Variants in GPC3 observed in about 807,000 individuals in gnomAD.
The protein encoded by GPC3 is glypican 3.
A neutral mutation model predicts 34.4 loss-of-function variants in GPC3; 3 were observed. The ratio of observed to expected loss-of-function variants is 0.09; its 90% CI spans 0.04 to 0.23. The LOEUF is 0.23. Among genes scored for constraint, GPC3 ranks in the 10% least tolerant of loss-of-function variants. The pLI is 1.00. For missense variants in GPC3, 351 were observed against 445.6 expected (o/e 0.79, Z 1.91); for synonymous variants, 177 against 174.0 (o/e 1.02, Z -0.13).
At chrX:133,716,961 CT>C (rs1245948264) in intron 3 of GPC3, among the ~76,000 whole-genome samples, 2 of 109,380 alleles carry the variant, frequency 1.8e-5, no homozygotes, top group Non-Finnish European at 3.8e-5. Context: ...CTTTTTTTTT[CT>C]TGTTTTTTAA....
intron 2 of GPC3, among the ~76,000 whole-genome samples, chrX:133,914,810 A>C (rs1413801647): frequency 3.7e-5 from 4 of 106,765 alleles, no homozygotes; most frequent in African/African-American, 1.4e-4. Flanking sequence ...CAAAAGATAT[A>C]TATCACTATA....
chrX:133,865,400 T>C (rs2075961964), intron 2 of GPC3, among the ~76,000 whole-genome samples: 1 of 112,233 alleles, frequency 8.9e-6, no homozygotes, highest in African/African-American at 3.2e-5. Context: ...CAAAATATTG[T>C]GATTTCATAT....
chrX:133,796,431 G>A (rs2124515811), intron 2 of GPC3, among the ~76,000 whole-genome samples: 1 of 112,444 alleles, frequency 8.9e-6, no homozygotes, highest in South Asian at 3.7e-4. Context: ...CCTGGCTACA[G>A]TAACACTAAG....
intron 1 of GPC3, among the ~76,000 whole-genome samples, chrX:133,977,419 A>G (rs1371563531): frequency 8.9e-6 from 1 of 112,455 alleles, no homozygotes; most frequent in Non-Finnish European, 1.9e-5. Flanking sequence ...AAATTTCCAT[A>G]CTCAAATATT....
At chrX:133,598,652 T>C (rs2069947851) in intron 6 of GPC3, among the ~76,000 whole-genome samples, 1 of 112,201 alleles carries the variant, frequency 8.9e-6, no homozygotes, top group African/African-American at 3.2e-5. Flanking sequence ...TTTTCTTTGA[T>C]ACTACATTAA....
intron 2 of GPC3, among the ~76,000 whole-genome samples, chrX:133,768,007 TA>T (rs1428171211): frequency 9.0e-5 from 10 of 110,790 alleles, no homozygotes; most frequent in Admixed American, 2.9e-4. Flanking sequence ...CCTGACAAAA[TA>T]AGTCAGCTGG....
intron 3 of GPC3, among the ~76,000 whole-genome samples, chrX:133,751,794 G>T (rs1165631221): frequency 8.9e-6 from 1 of 112,527 alleles, no homozygotes; most frequent in East Asian, 2.8e-4. Flanking sequence ...CTTTGAGGAA[G>T]AAATAAGACT....
At chrX:133,982,108 T>C (rs776178142) in intron 1 of GPC3, among the ~76,000 whole-genome samples, 24 of 112,543 alleles carry the variant, frequency 2.1e-4, no homozygotes, top group Admixed American at 9.4e-4. Flanking sequence ...CTTGAGACAA[T>C]TGGAAACATC....
At chrX:133,942,060 G>A (rs1161627180) in intron 2 of GPC3, among the ~76,000 whole-genome samples, 1 of 111,622 alleles carries the variant, frequency 9.0e-6, no homozygotes, top group African/African-American at 3.3e-5. Flanking sequence ...TTCTTACATT[G>A]CTAATCTCCA....
chrX:133,872,437 G>A (rs2075997831), intron 2 of GPC3, among the ~76,000 whole-genome samples: 1 of 111,569 alleles, frequency 9.0e-6, no homozygotes, highest in Non-Finnish European at 1.9e-5. Context: ...GTAACTTACG[G>A]TCCTGTGGAG....
rs1470963003 is a variant in GPC3, at chrX:133,964,602, G to A, written c.176-11391C>T. Among the ~76,000 whole-genome samples the A allele has an allele frequency of 6.3e-5, 7 of 111,493 alleles. No homozygotes were observed. In the Admixed American group the frequency reaches 6.7e-4, roughly 11 times the overall value. Reference sequence around the variant, plus strand: ...CAGAAACATTTAGGTCAGGTAAAGGGGGAAAGAGTGTATTAGTTTCCTAGG... The same window carrying A: ...CAGAAACATTTAGGTCAGGTAAAGGAGGAAAGAGTGTATTAGTTTCCTAGG... On this transcript the variant is annotated intron_variant, in intron 1 of 7. Coordinates refer to ENST00000370818, the MANE Select transcript of GPC3 (RefSeq NM_004484.4).
At chrX:133,866,272 G>T (rs1396084639) in intron 2 of GPC3, among the ~76,000 whole-genome samples, 1 of 111,783 alleles carries the variant, frequency 8.9e-6, no homozygotes, top group African/African-American at 3.3e-5. Flanking sequence ...TGAGCATTAG[G>T]TTGCTATTTA....
At chrX:133,824,871 C>T (rs748214525) in intron 2 of GPC3, among the ~76,000 whole-genome samples, 11 of 112,145 alleles carry the variant, frequency 9.8e-5, no homozygotes, top group South Asian at 7.4e-4. Flanking sequence ...TTTTTTGAGA[C>T]GGAGTCTCGC....
rs1602581126 is a variant in GPC3, at chrX:133,985,358, G to A, written c.92C>T (p.Pro31Leu). ...GCGGACTTGGTGACAGGTGGCGTCCGGCGGCGGCGGCGGGGGCTGCGCCTG... is the reference window on the plus strand; with the variant it reads ...GCGGACTTGGTGACAGGTGGCGTCCAGCGGCGGCGGCGGGGGCTGCGCCTG... ...PGQAQPPPPP[P>L]DATCHQVRSF... The change falls in exon 1 of 8, where the codon CCG becomes CTG. Residue 31 changes from proline to leucine, a missense_variant. By Grantham distance (98) the Pro-to-Leu change is moderately conservative. Transcript: ENST00000370818. The A allele has an allele frequency of 8.5e-7, 1 of 1,179,702 alleles. No homozygotes were observed. The highest frequency in any genetic ancestry group is 1.1e-6 in the Non-Finnish European group (1 of 872,956).
intron 2 of GPC3, among the ~76,000 whole-genome samples, chrX:133,825,680 A>G (rs1267323684): frequency 1.8e-5 from 2 of 111,968 alleles, no homozygotes; most frequent in South Asian, 3.8e-4. Context: ...AGACATATTC[A>G]TGGAAATACA....
chrX:133,902,899 T>C lies in GPC3; in HGVS notation c.337+50151A>G, dbSNP rs763016014. On this transcript the variant is annotated intron_variant, in intron 2 of 7. Coordinates refer to ENST00000370818, the MANE Select transcript of GPC3 (RefSeq NM_004484.4). ...GTTATATTGCCTGATGTTTTGCTTCTTCCCATGTATTATTTTGTGAATATT... is the reference window on the plus strand; with the variant it reads ...GTTATATTGCCTGATGTTTTGCTTCCTCCCATGTATTATTTTGTGAATATT... Among the ~76,000 whole-genome samples the C allele has an allele frequency of 4.5e-5, 5 of 112,133 alleles. No homozygotes were observed. The South Asian group carries it at 1.9e-3, about 42-fold the overall frequency.
chrX:133,841,215 ATTTT>A (rs769696321), intron 2 of GPC3, among the ~76,000 whole-genome samples: 554 of 39,238 alleles, frequency 0.014, 20 homozygotes, highest in Middle Eastern at 0.024. Context: ...TAATCTTTTA[ATTTT>A]TTTTTTTTTT....
chrX:133,888,288 G>A (rs1412259794), intron 2 of GPC3, among the ~76,000 whole-genome samples: 1 of 111,757 alleles, frequency 8.9e-6, no homozygotes, highest in Non-Finnish European at 1.9e-5. Context: ...ATTCCATGGT[G>A]TATATGTGCC....
chrX:133,949,421 G>A lies in GPC3; in HGVS notation c.337+3629C>T, dbSNP rs2076382959. Among the ~76,000 whole-genome samples, 3 of 111,308 alleles carry A rather than the reference G, an allele frequency of 2.7e-5. No homozygotes were observed. In the Admixed American group the frequency reaches 2.9e-4, roughly 11 times the overall value. On this transcript the variant is annotated intron_variant, in intron 2 of 7. Transcript: ENST00000370818. The stretch of plus-strand genomic sequence containing the variant: ...CCCCCCTAGAAAGCCAGAAAATCAA[G>A]TGTGCCAAGACTACGCATAAACATG...
Sources: gnomAD v4.1 joint callset for allele counts (sites outside exome capture counted in the v4.1 genomes callset) on GRCh38, gnomAD v4.1.1 for gene constraint, MANE v1.5 for transcripts, NCBI Gene and HGNC (gene_info 2026-07-23, HGNC 2026-07-21) for gene names.